The following THSD4 variants were observed in gnomAD, a reference collection of about 807,000 sequenced individuals.
THSD4 encodes thrombospondin type-1 domain-containing protein 4.
Under a neutral mutation model 119.0 loss-of-function variants are expected in THSD4, and 69 were observed. The ratio of observed to expected loss-of-function variants is 0.58; its 90% confidence interval spans 0.48 to 0.71. THSD4 has a LOEUF of 0.71. Among genes scored for constraint, THSD4 ranks in the 30% least tolerant of loss-of-function variants. THSD4 has a pLI of 0.00. For synonymous variants in THSD4, 524 were observed against 540.4 expected (o/e 0.97, Z 0.42); for missense variants, 1,393 against 1,391.1 (o/e 1.00, Z -0.02).
At chr15:71,371,362 T>A (rs1808933661) in intron 6 of THSD4, among the ~76,000 whole-genome samples, 1 of 152,232 alleles carries the variant, frequency 6.6e-6, no homozygotes, top group South Asian at 2.1e-4. Flanking sequence ...TGATGCAGTT[T>A]CTTCCTAGCA....
At chr15:71,640,750 A>G (rs868291704) in intron 7 of THSD4, among the ~76,000 whole-genome samples, 1 of 152,096 alleles carries the variant, frequency 6.6e-6, no homozygotes, top group African/African-American at 2.4e-5. Context: ...CTCAGCTGTT[A>G]CTGCCCAGTT....
intron 6 of THSD4, among the ~76,000 whole-genome samples, chr15:71,290,875 CTTTTTT>C (rs11438956): frequency 1.2e-4 from 16 of 129,476 alleles, no homozygotes; most frequent in East Asian, 2.2e-4. Flanking sequence ...TCCTTTTTTC[CTTTTTT>C]TTTTTTTTTT....
intron 7 of THSD4, among the ~76,000 whole-genome samples, chr15:71,592,255 A>G (rs1408925163): frequency 6.6e-6 from 1 of 152,220 alleles, no homozygotes; most frequent in Non-Finnish European, 1.5e-5. Context: ...GGTTCTTGAC[A>G]GTTGTTGAGG....
intron 7 of THSD4, among the ~76,000 whole-genome samples, chr15:71,571,713 G>A (rs530105339): frequency 3.4e-4 from 52 of 151,762 alleles, no homozygotes; most frequent in African/African-American, 1.1e-3. Context: ...TGTAATGGTT[G>A]CATTAGAATC....
chr15:71,568,969 ATTTTC>A (rs2140895907), intron 7 of THSD4, among the ~76,000 whole-genome samples: 1 of 152,270 alleles, frequency 6.6e-6, no homozygotes, highest in African/African-American at 2.4e-5. Context: ...TATATGACAA[ATTTTC>A]TTTAATCAGC....
intron 17 of THSD4, among the ~76,000 whole-genome samples, chr15:71,775,763 A>G (rs948088105): frequency 1.3e-5 from 2 of 152,190 alleles, no homozygotes; most frequent in Non-Finnish European, 2.9e-5. Flanking sequence ...ATGGAAGAGC[A>G]AAAGCAAGGA....
At chr15:71,735,541 GCT>G (rs2053069084) in intron 10 of THSD4, among the ~76,000 whole-genome samples, 1 of 133,150 alleles carries the variant, frequency 7.5e-6, no homozygotes, top group African/African-American at 2.8e-5. Context: ...CCTCTCTTTT[GCT>G]CTCTCTTTAT....
intron 8 of THSD4, among the ~76,000 whole-genome samples, chr15:71,709,875 A>T (rs766019023): frequency 1.3e-5 from 2 of 152,076 alleles, no homozygotes; most frequent in Non-Finnish European, 2.9e-5. Context: ...AAAAAAAAAA[A>T]CTTTTCAGGT....
Position 71,327,388 on chromosome 15 carries a change from C to T in THSD4, c.1015+70673C>T, listed in dbSNP as rs147399977. Among the ~76,000 whole-genome samples the T allele has an allele frequency of 1.9e-3, 285 of 152,240 alleles. 1 individual carries two copies. Among genetic ancestry groups the T allele is most frequent in the African/African-American group, 6.6e-3 (276 of 41,534 alleles). On this transcript the variant is annotated intron_variant, in intron 6 of 17. Coordinates refer to ENST00000261862, the MANE Select transcript of THSD4 (RefSeq NM_024817.3). Reference sequence around the variant, plus strand: ...AGGTTCTGGAACCTCCCTTGGGAAGCCTTCCCTGACTGACCTGACCCACCT... The same window carrying T: ...AGGTTCTGGAACCTCCCTTGGGAAGTCTTCCCTGACTGACCTGACCCACCT...
intron 8 of THSD4, among the ~76,000 whole-genome samples, chr15:71,727,577 T>TACACACACAC (rs2052880046): frequency 2.8e-5 from 1 of 36,080 alleles, no homozygotes; most frequent in African/African-American, 1.1e-4. Flanking sequence ...TATATATATA[T>TACACACACAC]ATATATATAT....
At chr15:71,547,649 TTTC>T (rs2048858318) in intron 7 of THSD4, 1 of 754,518 alleles carries the variant, frequency 1.3e-6, no homozygotes, top group African/African-American at 1.8e-5. Flanking sequence ...GAAGACTTCT[TTTC>T]TTCTTGAAGA....
intron 5 of THSD4, among the ~76,000 whole-genome samples, chr15:71,246,031 A>G (rs1366368031): frequency 6.6e-6 from 1 of 152,180 alleles, no homozygotes; most frequent in Non-Finnish European, 1.5e-5. Context: ...AGAGGACATG[A>G]ATGACCCAAT....
At chr15:71,281,837 A>G (rs2044656940) in intron 6 of THSD4, among the ~76,000 whole-genome samples, 1 of 152,224 alleles carries the variant, frequency 6.6e-6, no homozygotes, top group Admixed American at 6.5e-5. Flanking sequence ...TTAGATGACT[A>G]ATTTTCAAAA....
At chr15:71,459,380 G>GTCTCTCTCTCTCTCTCTCTC in intron 7 of THSD4, among the ~76,000 whole-genome samples, 1 of 137,704 alleles carries the variant, frequency 7.3e-6, no homozygotes, top group South Asian at 2.5e-4. Flanking sequence ...CTGTCTCTCT[G>GTCTCTCTCTCTCTCTCTCTC]TCTCTCTCTC....
chr15:71,588,156 A>G (rs1276415603), intron 7 of THSD4, among the ~76,000 whole-genome samples: 1 of 151,644 alleles, frequency 6.6e-6, no homozygotes, highest in African/African-American at 2.4e-5. Flanking sequence ...AATACAAAAA[A>G]TTAGCCGGGC....
intron 7 of THSD4, among the ~76,000 whole-genome samples, chr15:71,651,552 C>G (rs779129882): frequency 4.5e-4 from 69 of 152,100 alleles, no homozygotes; most frequent in Non-Finnish European, 8.8e-4. Context: ...AGCTAAGAAG[C>G]CTATATATTC....
intron 6 of THSD4, among the ~76,000 whole-genome samples, chr15:71,283,852 G>C (rs528735283): frequency 1.1e-4 from 17 of 152,310 alleles, no homozygotes; most frequent in African/African-American, 4.1e-4. Flanking sequence ...GCAAGGGGAA[G>C]ATCTGCTCTG....
At chr15:71,472,888 T>C (rs2047601768) in intron 7 of THSD4, among the ~76,000 whole-genome samples, 1 of 152,186 alleles carries the variant, frequency 6.6e-6, no homozygotes, top group Admixed American at 6.5e-5. Flanking sequence ...GAGGAGGCAG[T>C]GTGAGTTGTT....
intron 7 of THSD4, among the ~76,000 whole-genome samples, chr15:71,525,391 A>G (rs2048504197): frequency 1.3e-5 from 2 of 152,194 alleles, no homozygotes; most frequent in Non-Finnish European, 2.9e-5. Flanking sequence ...GACATGTTGG[A>G]TTTGAAACAT....
Sources: gnomAD v4.1 joint callset for allele counts (sites outside exome capture counted in the v4.1 genomes callset) on GRCh38, gnomAD v4.1.1 for gene constraint, MANE v1.5 for transcripts, NCBI Gene and HGNC (gene_info 2026-07-23, HGNC 2026-07-21) for gene names.